The following MALL variants were observed in gnomAD, a reference collection of about 807,000 sequenced individuals.
MALL encodes mal, T cell differentiation protein like, also known as MAL-like protein.
In MALL, 2 loss-of-function variants were observed where a neutral mutation model predicts 10.3. That is an observed-to-expected ratio of 0.19 (90% CI 0.08 to 0.61). The LOEUF is 0.61. MALL is among the 20% of genes least tolerant of loss of function. The pLI is 0.88. For synonymous variants in MALL, 27 were observed against 51.8 expected, an observed-to-expected ratio of 0.52 and a Z score of 2.05; for missense variants, 39 against 115.2, an observed-to-expected ratio of 0.34 and a Z score of 3.03.
At chr2:110,103,144 C>T (rs542957605) in intron 1 of MALL, among the ~76,000 whole-genome samples, 24 of 152,222 alleles carry the variant, frequency 1.6e-4, no homozygotes, top group East Asian at 9.7e-4. Flanking sequence ...ACTCTGGGAC[C>T]CCGCTGGTAT....
At chr2:110,101,768 C>T (rs1212841411) in intron 1 of MALL, among the ~76,000 whole-genome samples, 2 of 152,128 alleles carry the variant, frequency 1.3e-5, no homozygotes, top group African/African-American at 2.4e-5. Context: ...TGCAATGTCA[C>T]ATAAAATTGA....
chr2:110,099,444 C>G (rs1362881259), intron 1 of MALL, among the ~76,000 whole-genome samples: 1 of 152,176 alleles, frequency 6.6e-6, no homozygotes, highest in Non-Finnish European at 1.5e-5. Context: ...TTTTCAGTGT[C>G]AAAATTATCT....
upstream of MALL, among the ~76,000 whole-genome samples, chr2:110,116,818 A>T (rs1413145747): frequency 2.0e-5 from 3 of 152,182 alleles, no homozygotes; most frequent in African/African-American, 7.2e-5. Context: ...AGGATGCTCC[A>T]GGTTAGGGTC....
intron 1 of MALL, among the ~76,000 whole-genome samples, chr2:110,109,090 T>C (rs746904687): frequency 3.9e-5 from 6 of 152,114 alleles, no homozygotes; most frequent in Admixed American, 6.5e-5. Context: ...CAGAACCTCT[T>C]TAAAGCATAA....
chr2:110,097,417 G>A (rs534500133), intron 1 of MALL: 22 of 451,690 alleles, frequency 4.9e-5, no homozygotes, highest in South Asian at 2.4e-4. Flanking sequence ...AAAGAAAGTC[G>A]CGTGGGCACT....
chr2:110,116,917 T>A (rs1338522868), upstream of MALL, among the ~76,000 whole-genome samples: 1 of 152,170 alleles, frequency 6.6e-6, no homozygotes, highest in Non-Finnish European at 1.5e-5. Flanking sequence ...AGGCCATGTC[T>A]TGATCTCATT....
chr2:110,110,231 A>G (rs769228735), intron 1 of MALL, among the ~76,000 whole-genome samples: 2 of 152,138 alleles, frequency 1.3e-5, no homozygotes, highest in Admixed American at 6.6e-5. Flanking sequence ...GAGCAGAACT[A>G]AATGAAATTG....
intron 1 of MALL, among the ~76,000 whole-genome samples, chr2:110,098,260 T>G (rs574127128): frequency 3.2e-4 from 49 of 152,090 alleles, no homozygotes; most frequent in South Asian, 1.9e-3. Flanking sequence ...CATTTTTAAG[T>G]GTACAGTTCA....
chr2:110,099,414 A>G (rs1422916578), intron 1 of MALL, among the ~76,000 whole-genome samples: 1 of 152,192 alleles, frequency 6.6e-6, no homozygotes, highest in East Asian at 1.9e-4. Context: ...AGAATCCAGG[A>G]GTTATGAGGG....
intron 1 of MALL, among the ~76,000 whole-genome samples, chr2:110,112,284 G>A (rs1279868595): frequency 6.6e-6 from 1 of 152,140 alleles, no homozygotes; most frequent in Non-Finnish European, 1.5e-5. Flanking sequence ...ACAGACAGCA[G>A]AGTAAACAGA....
At chr2:110,092,779 T>G (rs1280223422) in intron 1 of MALL, among the ~76,000 whole-genome samples, 3 of 122,640 alleles carry the variant, frequency 2.4e-5, no homozygotes, top group Non-Finnish European at 5.7e-5. Flanking sequence ...TATTCTTGCA[T>G]TCCAGATTTT....
chr2:110,109,583 A>G (rs1026022700), intron 1 of MALL, among the ~76,000 whole-genome samples: 3 of 152,206 alleles, frequency 2.0e-5, no homozygotes, highest in Non-Finnish European at 2.9e-5. Context: ...GAAATGAGAT[A>G]GAAAGCAACA....
rs1303858493 is a variant in MALL, at chr2:110,098,865, G to A, written c.106-7095C>T. The stretch of plus-strand genomic sequence containing the variant: ...AAAAATACAAACATTAGCCAGACAC[G>A]GTGGCACATGCCTGTAGTCTCAGCT... On this transcript the variant is annotated intron_variant, in intron 1 of 3. Transcript: ENST00000272462. Among the ~76,000 whole-genome samples the A allele has an allele frequency of 2.6e-5, 4 of 152,076 alleles. No individual in the cohort carries two copies. In the South Asian group the frequency reaches 6.2e-4, roughly 24 times the overall value.
chr2:110,096,196 G>A (rs1175361693), intron 1 of MALL, among the ~76,000 whole-genome samples: 1 of 152,108 alleles, frequency 6.6e-6, no homozygotes, highest in African/African-American at 2.4e-5. Context: ...CAGAGAGTCT[G>A]CTTGAACAGG....
At chr2:110,099,101 T>C (rs558356584) in intron 1 of MALL, among the ~76,000 whole-genome samples, 1 of 152,250 alleles carries the variant, frequency 6.6e-6, no homozygotes, top group East Asian at 1.9e-4. Context: ...TGTCAAACAG[T>C]TGTGCGCATG....
chr2:110,110,606 C>T lies in MALL; in HGVS notation c.105+5082G>A, dbSNP rs112237734. ...ATTACCAACAAAAAAAGTCCAAGAA[C>T]GGATGGATTCGCACCAGAATTCTAC... On this transcript the variant is annotated intron_variant, in intron 1 of 3. Coordinates refer to ENST00000272462, the MANE Select transcript of MALL (RefSeq NM_005434.5). Among the ~76,000 whole-genome samples, 86 of 152,186 alleles carry T rather than the reference C, an allele frequency of 5.7e-4. 1 individual carries two copies. The highest frequency in any genetic ancestry group is 2.0e-3 in the African/African-American group (82 of 41,520).
intron 1 of MALL, among the ~76,000 whole-genome samples, chr2:110,096,890 C>T (rs775903479): frequency 1.5e-4 from 9 of 61,246 alleles, no homozygotes; most frequent in Non-Finnish European, 6.2e-4. Flanking sequence ...ATTAAATGCC[C>T]ATACTGTTCA....
At chr2:110,099,730 G>C (rs1049017645) in intron 1 of MALL, among the ~76,000 whole-genome samples, 3 of 152,032 alleles carry the variant, frequency 2.0e-5, no homozygotes, top group Non-Finnish European at 4.4e-5. Context: ...AAGTCTACCT[G>C]GTGCCTGAGA....
chr2:110,106,342 A>G (rs1223220966), intron 1 of MALL, among the ~76,000 whole-genome samples: 1 of 152,130 alleles, frequency 6.6e-6, no homozygotes, highest in Non-Finnish European at 1.5e-5. Context: ...GTCAGCCCCC[A>G]GCACCCGCAG....
Sources: gnomAD v4.1 joint callset for allele counts (sites outside exome capture counted in the v4.1 genomes callset) on GRCh38, gnomAD v4.1.1 for gene constraint, MANE v1.5 for transcripts, NCBI Gene and HGNC (gene_info 2026-07-23, HGNC 2026-07-21) for gene names.